Variants in SCHIP1 observed in about 807,000 individuals in gnomAD.
The protein encoded by SCHIP1 is schwannomin-interacting protein 1.
SCHIP1 carries 8 observed loss-of-function variants against 29.7 expected under a neutral mutation model. The observed-to-expected ratio is 0.27, with a 90% CI of 0.16 to 0.49. The LOEUF is 0.49. Ranked by LOEUF, SCHIP1 falls within the 20% of genes least tolerant of loss-of-function variation. The pLI is 0.99. For synonymous variants in SCHIP1, 76 were observed against 94.9 expected, an observed-to-expected ratio of 0.80 and a Z score of 1.16; for missense variants, 193 against 294.6, an observed-to-expected ratio of 0.66 and a Z score of 2.52.
chr3:159,670,491 G>A, the SCHIP1 span, among the ~76,000 whole-genome samples: 28 of 152,218 alleles, frequency 1.8e-4, no homozygotes, highest in African/African-American at 4.8e-4. Flanking sequence ...TTTGCTGTCC[G>A]AAATTCAATC....
At chr3:159,420,061 A>G in the SCHIP1 span, among the ~76,000 whole-genome samples, 96,507 of 152,058 alleles carry the variant, frequency 0.63, 31,020 homozygotes, top group Non-Finnish European at 0.67. Context: ...AGGTGAAGGA[A>G]TCTGGGCTAA....
At chr3:159,419,932 G>A in the SCHIP1 span, among the ~76,000 whole-genome samples, 1 of 152,192 alleles carries the variant, frequency 6.6e-6, no homozygotes, top group Non-Finnish European at 1.5e-5. Flanking sequence ...AACTTTCTGT[G>A]TCTCACTCCA....
the SCHIP1 span, among the ~76,000 whole-genome samples, chr3:159,676,182 G>C: frequency 6.6e-6 from 1 of 152,098 alleles, no homozygotes; most frequent in Non-Finnish European, 1.5e-5. Flanking sequence ...TATGGGAGGG[G>C]TACTGGGCTC....
At chr3:159,502,992 G>A in the SCHIP1 span, among the ~76,000 whole-genome samples, 8 of 152,296 alleles carry the variant, frequency 5.3e-5, no homozygotes, top group South Asian at 2.1e-4. Flanking sequence ...CTCCAGACCC[G>A]CCAATCAGAT....
chr3:159,474,225 T>A, the SCHIP1 span, among the ~76,000 whole-genome samples: 2 of 152,110 alleles, frequency 1.3e-5, no homozygotes, highest in African/African-American at 4.8e-5. Flanking sequence ...AGTTATTTGG[T>A]TTTATGAACA....
chr3:159,678,321 CA>C, the SCHIP1 span, among the ~76,000 whole-genome samples: 1 of 152,176 alleles, frequency 6.6e-6, no homozygotes, highest in African/African-American at 2.4e-5. Context: ...GAGACTAATT[CA>C]CACTGAGAAA....
At chr3:159,481,664 A>G in the SCHIP1 span, among the ~76,000 whole-genome samples, 1 of 152,116 alleles carries the variant, frequency 6.6e-6, no homozygotes, top group Admixed American at 6.6e-5. Flanking sequence ...GGACCAGGTA[A>G]CTTTTCTTGT....
the SCHIP1 span, among the ~76,000 whole-genome samples, chr3:159,638,756 C>A: frequency 6.6e-6 from 1 of 151,942 alleles, no homozygotes; most frequent in African/African-American, 2.4e-5. Context: ...TCACATACCA[C>A]CTCATCAATA....
the SCHIP1 span, among the ~76,000 whole-genome samples, chr3:159,442,302 C>T: frequency 3.9e-5 from 6 of 152,134 alleles, no homozygotes; most frequent in African/African-American, 1.4e-4. Context: ...AGAACAGCAC[C>T]TCCAGAGAGG....
chr3:159,401,557 GC>G, the SCHIP1 span: 1 of 166,830 alleles, frequency 6.0e-6, no homozygotes, highest in Admixed American at 6.5e-5. Flanking sequence ...AAAAGGTTAA[GC>G]AACTTATTCA....
At chr3:159,842,845 A>G (rs1470840207) in intron 1 of SCHIP1, among the ~76,000 whole-genome samples, 2 of 151,888 alleles carry the variant, frequency 1.3e-5, no homozygotes, top group African/African-American at 2.4e-5. Flanking sequence ...AATATTTTAC[A>G]TCTTATAGAT....
the SCHIP1 span, among the ~76,000 whole-genome samples, chr3:159,647,490 G>C: frequency 6.6e-6 from 1 of 152,064 alleles, no homozygotes; most frequent in African/African-American, 2.4e-5. Flanking sequence ...GAACATAATG[G>C]GCTTGTGAGA....
chr3:159,516,738 T>C, the SCHIP1 span, among the ~76,000 whole-genome samples: 1 of 152,084 alleles, frequency 6.6e-6, no homozygotes, highest in African/African-American at 2.4e-5. Flanking sequence ...CAGTGCACAC[T>C]CCTACCCACT....
the SCHIP1 span, among the ~76,000 whole-genome samples, chr3:159,506,809 C>G: frequency 6.6e-6 from 1 of 152,030 alleles, no homozygotes; most frequent in African/African-American, 2.4e-5. Flanking sequence ...GGGTTCTGTT[C>G]TGTTCCATTG....
chr3:159,691,888 G>A, the SCHIP1 span, among the ~76,000 whole-genome samples: 1 of 152,066 alleles, frequency 6.6e-6, no homozygotes, highest in African/African-American at 2.4e-5. Context: ...TGAAATTCTG[G>A]GTTGAAAATT....
the SCHIP1 span, among the ~76,000 whole-genome samples, chr3:159,481,054 A>G: frequency 5.3e-5 from 8 of 152,120 alleles, no homozygotes; most frequent in Admixed American, 4.6e-4. Context: ...TCACAAGGTA[A>G]TGTCATCAGT....
chr3:159,740,164 G>T, the SCHIP1 span, among the ~76,000 whole-genome samples: 1 of 152,186 alleles, frequency 6.6e-6, no homozygotes, highest in Non-Finnish European at 1.5e-5. Flanking sequence ...GCAGCAATGT[G>T]GAAACTTGTC....
the SCHIP1 span, among the ~76,000 whole-genome samples, chr3:159,395,113 G>T: frequency 2.6e-5 from 4 of 152,138 alleles, no homozygotes; most frequent in Non-Finnish European, 5.9e-5. Flanking sequence ...AGAGGTGTTT[G>T]TTTGTAGTAT....
intron 1 of SCHIP1, among the ~76,000 whole-genome samples, chr3:159,855,006 AC>A (rs966347314): frequency 1.3e-5 from 2 of 152,186 alleles, no homozygotes; most frequent in African/African-American, 4.8e-5. Context: ...ACAGAATTGC[AC>A]TGTGTAACCC....
Sources: allele counts gnomAD v4.1 joint callset (sites outside exome capture counted in the v4.1 genomes callset), GRCh38; gene constraint gnomAD v4.1.1; transcripts MANE v1.5; gene names NCBI Gene and HGNC (gene_info 2026-07-23, HGNC 2026-07-21).